The following GALNT3 variants were observed in gnomAD, a reference collection of about 807,000 sequenced individuals.
GALNT3 encodes the protein polypeptide N-acetylgalactosaminyltransferase 3.
Under a neutral mutation model 69.8 loss-of-function variants are expected in GALNT3, and 51 were observed. The observed-to-expected ratio is 0.73, with a 90% CI of 0.58 to 0.92. The LOEUF is 0.92. GALNT3 is among the 40% of genes least tolerant of loss of function. The pLI is 0.00. For synonymous variants in GALNT3, 265 were observed against 248.5 expected (o/e 1.07, Z -0.63); for missense variants, 711 against 760.0 (o/e 0.94, Z 0.76).
At chr2:165,779,266 G>C (rs1683048783) in intron 1 of GALNT3, among the ~76,000 whole-genome samples, 1 of 152,044 alleles carries the variant, frequency 6.6e-6, no homozygotes, top group African/African-American at 2.4e-5. Flanking sequence ...CATTGTACGA[G>C]CCAGCAAAAA....
chr2:165,784,165 T>G (rs1683172727), intron 1 of GALNT3, among the ~76,000 whole-genome samples: 1 of 152,200 alleles, frequency 6.6e-6, no homozygotes, highest in Non-Finnish European at 1.5e-5. Flanking sequence ...TGAGGCCTAC[T>G]AAACACACAC....
At chr2:165,764,330 C>G (rs1161158478) in intron 3 of GALNT3, among the ~76,000 whole-genome samples, 1 of 152,124 alleles carries the variant, frequency 6.6e-6, no homozygotes, top group Non-Finnish European at 1.5e-5. Flanking sequence ...TTTAAAACAA[C>G]TCTAGAAATT....
intron 1 of GALNT3, among the ~76,000 whole-genome samples, chr2:165,774,034 A>C (rs1377749109): frequency 1.3e-5 from 2 of 152,188 alleles, no homozygotes; most frequent in African/African-American, 4.8e-5. Context: ...GATTCAGGGC[A>C]CTTCCAGAAT....
intron 1 of GALNT3, among the ~76,000 whole-genome samples, chr2:165,774,599 T>C (rs1688812405): frequency 6.6e-6 from 1 of 152,110 alleles, no homozygotes; most frequent in Non-Finnish European, 1.5e-5. Flanking sequence ...TAAAGACCCA[T>C]TCAATTAGTA....
At chr2:165,793,264 G>T (rs1035061107) in intron 1 of GALNT3, among the ~76,000 whole-genome samples, 1 of 152,160 alleles carries the variant, frequency 6.6e-6, no homozygotes, top group African/African-American at 2.4e-5. Context: ...GCCGCGATAT[G>T]CAGGTCCTTA....
intron 2 of GALNT3, among the ~76,000 whole-genome samples, chr2:165,767,524 C>T (rs903006287): frequency 2.6e-5 from 4 of 152,062 alleles, no homozygotes; most frequent in South Asian, 2.1e-4. Flanking sequence ...CTGATAATTA[C>T]CAATATCAAG....
rs1454133034 is a variant in GALNT3 at position 165,748,539 on chromosome 2, C to T, written c.*242G>A. 6 of 505,636 alleles carry T rather than the reference C, an allele frequency of 1.2e-5. No homozygotes were observed. The highest frequency in any genetic ancestry group is 1.1e-4 in the African/African-American group (6 of 52,204). The allele number at this position is 505,636 out of a possible 1,614,324, so 31.3% of individuals were successfully genotyped here. A position where few individuals can be genotyped will look rare whatever the true frequency, so the allele number is the denominator to read the frequency against. On this transcript the variant is annotated 3_prime_UTR_variant, in exon 11 of 11. Coordinates refer to ENST00000392701, the MANE Select transcript of GALNT3 (RefSeq NM_004482.4). ...AAAATTATTTTCATCATACTGTAAA[C>T]ATCTCTTCCCCTACATCTGGACATT...
chr2:165,751,921 G>A (rs1171474231), intron 9 of GALNT3, among the ~76,000 whole-genome samples: 1 of 152,112 alleles, frequency 6.6e-6, no homozygotes, highest in African/African-American at 2.4e-5. Context: ...AAAATAAAAT[G>A]TCAAGGAAAT....
intron 10 of GALNT3, 70 bp from the exon 11 acceptor site, chr2:165,748,973 T>C: frequency 6.7e-7 from 1 of 1,483,152 alleles, no homozygotes; most frequent in Non-Finnish European, 9.3e-7. Flanking sequence ...TGAAAAAGAT[T>C]TTATGGTTTC....
chr2:165,771,505 G>A (rs182283181), intron 1 of GALNT3: 1 of 152,314 alleles, frequency 6.6e-6, no homozygotes, highest in African/African-American at 2.4e-5. Context: ...TGAAGTGTCT[G>A]TAGGGAGCCT....
At chr2:165,791,120 T>C (rs925542270) in intron 1 of GALNT3, among the ~76,000 whole-genome samples, 4 of 152,186 alleles carry the variant, frequency 2.6e-5, no homozygotes, top group African/African-American at 7.2e-5. Context: ...AGGTTTCATG[T>C]AGTTCTTAAT....
chr2:165,775,686 C>T (rs1688834845), intron 1 of GALNT3, among the ~76,000 whole-genome samples: 1 of 152,132 alleles, frequency 6.6e-6, no homozygotes, highest in African/African-American at 2.4e-5. Flanking sequence ...AAATAAAGTG[C>T]CTTAGGCTTC....
At chr2:165,778,454 T>A (rs1024815656) in intron 1 of GALNT3, among the ~76,000 whole-genome samples, 2 of 152,288 alleles carry the variant, frequency 1.3e-5, no homozygotes, top group Admixed American at 1.3e-4. Context: ...TAATACAATC[T>A]GGTATTAAAA....
At chr2:165,782,381 A>G (rs1196605188) in intron 1 of GALNT3, among the ~76,000 whole-genome samples, 1 of 40,704 alleles carries the variant, frequency 2.5e-5, no homozygotes, top group African/African-American at 8.1e-5. Context: ...CTGGGGGAAA[A>G]AAAAGAATTA....
At chr2:165,756,979 T>G in intron 7 of GALNT3, 68 bp downstream of exon 7, 1 of 1,218,318 alleles carries the variant, frequency 8.2e-7, no homozygotes, top group East Asian at 2.4e-5. Context: ...TTGAGATGAA[T>G]CGACGCAAAA....
rs1574001269 is a variant in GALNT3 at position 165,761,631 on chromosome 2, AG to A, written c.838+273del. Reference sequence around the variant, plus strand: ...AAAGAAACATGGAAAAAAAAAAAAGAGGCAAGGATAACTGGCTGGAACAGCT... The same window carrying A: ...AAAGAAACATGGAAAAAAAAAAAAGAGCAAGGATAACTGGCTGGAACAGCT... On this transcript the variant is annotated intron_variant, in intron 4 of 10. Coordinates refer to ENST00000392701, the MANE Select transcript of GALNT3 (RefSeq NM_004482.4). 143 of 612,548 alleles carry A rather than the reference AG, an allele frequency of 2.3e-4. No individual in the cohort carries two copies. The East Asian group carries it at 4.0e-3, about 17-fold the overall frequency. 37.9% of individuals were successfully genotyped at this position (612,548 alleles called of 1,614,324 possible).
At chr2:165,757,344 T>A in intron 6 of GALNT3, 97 bp from the exon 7 acceptor site, 1 of 1,135,578 alleles carries the variant, frequency 8.8e-7, no homozygotes, top group Non-Finnish European at 1.3e-6. Flanking sequence ...AAAACAAAAT[T>A]AGAGAAGAGA....
At chr2:165,765,703 T>A (rs1688626477) in intron 2 of GALNT3, among the ~76,000 whole-genome samples, 1 of 152,240 alleles carries the variant, frequency 6.6e-6, no homozygotes, top group African/African-American at 2.4e-5. Context: ...TTAGCCAGGA[T>A]GGTCTCGATC....
chr2:165,783,853 A>T (rs921775130), intron 1 of GALNT3, among the ~76,000 whole-genome samples: 6 of 152,172 alleles, frequency 3.9e-5, no homozygotes, highest in African/African-American at 1.2e-4. Context: ...ATAAAACAGA[A>T]TTTTTTTCAA....
Sources: gnomAD v4.1 joint callset for allele counts (sites outside exome capture counted in the v4.1 genomes callset) on GRCh38, gnomAD v4.1.1 for gene constraint, MANE v1.5 for transcripts, NCBI Gene and HGNC (gene_info 2026-07-23, HGNC 2026-07-21) for gene names.